The following PVT1 variants were observed in gnomAD, a reference collection of about 807,000 sequenced individuals.
PVT1 encodes CXCR4/PVT1 fusion.
rs1164436910 is a variant in PVT1 at position 127,858,549 on chromosome 8, A to G, written n.373-32040A>G. On this transcript the variant is annotated intron_variant and non_coding_transcript_variant, in intron 2 of 10. Transcript: ENST00000651587. ...TTTAACATGGGCACTTTTTGAAAAC[A>G]GACATCTTAAATATTGGCCAAAAGG... Among the ~76,000 whole-genome samples the G allele has an allele frequency of 2.0e-5, 3 of 152,036 alleles. 1 individual carries two copies. The highest frequency in any genetic ancestry group is 4.4e-5 in the Non-Finnish European group (3 of 68,004).
At chr8:127,858,167 G>C (rs1221826572) in intron 2 of PVT1, among the ~76,000 whole-genome samples, 1 of 152,152 alleles carries the variant, frequency 6.6e-6, no homozygotes, top group Non-Finnish European at 1.5e-5. Context: ...AAGGCGGCTG[G>C]ATCATTTGAG....
At chr8:127,972,372 C>T (rs974734695) in intron 3 of PVT1, among the ~76,000 whole-genome samples, 4 of 152,222 alleles carry the variant, frequency 2.6e-5, no homozygotes, top group Admixed American at 1.3e-4. Flanking sequence ...ACAGGGTGTT[C>T]GATGGTTTCA....
At chr8:127,920,542 A>C (rs1816043976) in intron 3 of PVT1, among the ~76,000 whole-genome samples, 1 of 152,268 alleles carries the variant, frequency 6.6e-6, no homozygotes, top group South Asian at 2.1e-4. Flanking sequence ...TTAAAGGCTT[A>C]GAACAGTGTT....
At chr8:127,900,389 A>T (rs973458820) in intron 3 of PVT1, among the ~76,000 whole-genome samples, 2 of 152,002 alleles carry the variant, frequency 1.3e-5, no homozygotes, top group African/African-American at 2.4e-5. Context: ...GATAAATGGG[A>T]AGTCTATGAG....
At chr8:127,969,126 G>T (rs1816735351) in intron 3 of PVT1, among the ~76,000 whole-genome samples, 1 of 152,174 alleles carries the variant, frequency 6.6e-6, no homozygotes, top group African/African-American at 2.4e-5. Context: ...ACTCCATTTA[G>T]AGCAAGGAAT....
intron 4 of PVT1, among the ~76,000 whole-genome samples, chr8:128,034,173 TCTC>T (rs980663122): frequency 2.0e-5 from 3 of 150,334 alleles, no homozygotes; most frequent in African/African-American, 4.9e-5. Context: ...CCCTCTTTTC[TCTC>T]CTCCTTCTCC....
intron 2 of PVT1, among the ~76,000 whole-genome samples, chr8:127,802,970 A>G (rs1224901521): frequency 6.6e-6 from 1 of 152,046 alleles, no homozygotes; most frequent in East Asian, 1.9e-4. Context: ...GTGGGCTGGC[A>G]GTGCAGAGGT....
intron 4 of PVT1, among the ~76,000 whole-genome samples, chr8:128,063,519 A>AAATAAATAAAT (rs1298503673): frequency 2.0e-5 from 3 of 152,088 alleles, no homozygotes; most frequent in African/African-American, 7.2e-5. Flanking sequence ...CTCAAAAAAT[A>AAATAAATAAAT]AATAAATAAA....
At position 127,936,466 on chromosome 8, in the gene PVT1, C is replaced by T. The variant is rs1816276339; in HGVS notation, n.782+45468C>T. 2.0e-5 allele frequency among the ~76,000 whole-genome samples: 3 copies of T among 152,164 alleles called. No homozygotes were observed. The South Asian group carries it at 6.2e-4, about 31-fold the overall frequency. On this transcript the variant is annotated intron_variant and non_coding_transcript_variant, in intron 3 of 10. Transcript: ENST00000651587. ...CTCTCATATTGCTTTGATGGCCTTT[C>T]TCAGAAAGGAGAAAGGTGGTGCTGG...
chr8:127,827,057 A>T (rs1234207478), intron 2 of PVT1, among the ~76,000 whole-genome samples: 1 of 127,882 alleles, frequency 7.8e-6, no homozygotes, highest in Non-Finnish European at 1.5e-5. Flanking sequence ...GTGCAGTGGC[A>T]CCATCTTGGC....
chr8:127,846,993 TTTTTTTTTTG>T (rs1398927028), intron 2 of PVT1, among the ~76,000 whole-genome samples: 2 of 100,644 alleles, frequency 2.0e-5, no homozygotes, highest in African/African-American at 4.4e-5. Flanking sequence ...TTTTTTTTTT[TTTTTTTTTTG>T]TTGTTGTTGT....
Position 127,985,283 on chromosome 8 carries a change from C to G in PVT1, n.783-3879C>G, listed in dbSNP as rs937181614. ...TCCTGACCTCATGATCCTCCCCTCTCGGCCTCCCAAAGTGTTGGGATTACA... is the reference window on the plus strand; with the variant it reads ...TCCTGACCTCATGATCCTCCCCTCTGGGCCTCCCAAAGTGTTGGGATTACA... On this transcript the variant is annotated intron_variant and non_coding_transcript_variant, in intron 3 of 10. Coordinates refer to ENST00000651587, the Ensembl canonical transcript of PVT1. Among the ~76,000 whole-genome samples the G allele has an allele frequency of 2.0e-5, 3 of 151,912 alleles. No individual in the cohort carries two copies. The East Asian group carries it at 5.8e-4, about 29-fold the overall frequency.
chr8:127,866,043 C>T lies in PVT1; in HGVS notation n.373-24546C>T, dbSNP rs184377483. ...TGCCCATGGCTTCTCCCTCTGACAGCGCAGCCCTGCCTCCGGCTGCCTGGC... is the reference window on the plus strand; with the variant it reads ...TGCCCATGGCTTCTCCCTCTGACAGTGCAGCCCTGCCTCCGGCTGCCTGGC... On this transcript the variant is annotated intron_variant and non_coding_transcript_variant, in intron 2 of 10. Transcript: ENST00000651587. Among the ~76,000 whole-genome samples, 8 of 152,310 alleles carry T rather than the reference C, an allele frequency of 5.3e-5. No homozygotes were observed. In the East Asian group the frequency reaches 1.5e-3, roughly 29 times the overall value.
chr8:128,049,810 T>C (rs903937063), intron 4 of PVT1, among the ~76,000 whole-genome samples: 17 of 152,182 alleles, frequency 1.1e-4, no homozygotes, highest in African/African-American at 4.1e-4. Context: ...TGCTGTGTGA[T>C]ATTAGGCAAG....
intron 2 of PVT1, among the ~76,000 whole-genome samples, chr8:127,842,383 T>C (rs1814983932): frequency 6.6e-6 from 1 of 152,066 alleles, no homozygotes; most frequent in African/African-American, 2.4e-5. Context: ...GCTTCCTGAA[T>C]AGCTGGGAAT....
chr8:128,054,731 T>C (rs1366817798), intron 4 of PVT1, among the ~76,000 whole-genome samples: 1 of 151,622 alleles, frequency 6.6e-6, no homozygotes, highest in Non-Finnish European at 1.5e-5. Flanking sequence ...ATCATGACTG[T>C]GACTGGGAAT....
At chr8:127,926,885 T>G (rs1323180921) in intron 3 of PVT1, among the ~76,000 whole-genome samples, 2 of 152,222 alleles carry the variant, frequency 1.3e-5, no homozygotes, top group Non-Finnish European at 2.9e-5. Context: ...TGGTTGGTTT[T>G]GATTTCCAAG....
chr8:127,982,651 ATAAT>A (rs35546489), intron 3 of PVT1, among the ~76,000 whole-genome samples: 123 of 146,062 alleles, frequency 8.4e-4, no homozygotes, highest in East Asian at 4.8e-3. Context: ...CTCTACAAAA[ATAAT>A]TAATTAATTA....
intron 3 of PVT1, among the ~76,000 whole-genome samples, chr8:127,939,229 T>C (rs1421132406): frequency 6.6e-6 from 1 of 152,156 alleles, no homozygotes; most frequent in Non-Finnish European, 1.5e-5. Context: ...TGTACAAAGG[T>C]GGGGCTGTGG....
Sources: allele counts gnomAD v4.1 joint callset (sites outside exome capture counted in the v4.1 genomes callset), GRCh38; gene constraint gnomAD v4.1.1; transcripts MANE v1.5; gene names NCBI Gene and HGNC (gene_info 2026-07-23, HGNC 2026-07-21).